Variants in EDEM1 observed in about 807,000 individuals in gnomAD.
The protein encoded by EDEM1 is ER degradation enhancing alpha-mannosidase like protein 1, also known as ER degradation-enhancing alpha-mannosidase-like protein 1.
Under a neutral mutation model 74.4 loss-of-function variants are expected in EDEM1, and 67 were observed. That is an observed-to-expected ratio of 0.90 (90% CI 0.74 to 1.10). EDEM1 has a LOEUF of 1.10. Ranked by LOEUF, EDEM1 falls within the 50% of genes least tolerant of loss-of-function variation. EDEM1 has a pLI of 0.00. For synonymous variants in EDEM1, 382 were observed against 335.9 expected, an observed-to-expected ratio of 1.14 and a Z score of -1.50; for missense variants, 926 against 851.6, an observed-to-expected ratio of 1.09 and a Z score of -1.09.
rs75903293 is a variant in EDEM1 at position 5,190,879 on chromosome 3, A to T, written c.509+2565A>T. ...CTTTGCTTTTTTTTAAATATTTTTT[A>T]AAAAAATTTATTTTTAATTTTTGAG... On this transcript the variant is annotated intron_variant, in intron 1 of 11. Coordinates refer to ENST00000256497, the MANE Select transcript of EDEM1 (RefSeq NM_014674.3). Among the ~76,000 whole-genome samples the T allele has an allele frequency of 2.9e-3, 447 of 152,140 alleles. 2 individuals carry two copies. Among genetic ancestry groups the T allele is most frequent in the African/African-American group, 7.2e-3 (300 of 41,492 alleles).
intron 2 of EDEM1, among the ~76,000 whole-genome samples, chr3:5,197,323 A>G (rs1264745880): frequency 6.6e-6 from 1 of 152,196 alleles, no homozygotes; most frequent in Non-Finnish European, 1.5e-5. Context: ...TTAGAGAGCC[A>G]CAGTGCCCAT....
chr3:5,198,041 A>G (rs1559295248), intron 2 of EDEM1, among the ~76,000 whole-genome samples: 1 of 150,924 alleles, frequency 6.6e-6, no homozygotes, highest in Non-Finnish European at 1.5e-5. Context: ...AAATGGTTAC[A>G]TTTTTTTTGT....
chr3:5,197,946 T>C (rs983007159), intron 2 of EDEM1, among the ~76,000 whole-genome samples: 3 of 152,172 alleles, frequency 2.0e-5, no homozygotes, highest in African/African-American at 7.2e-5. Context: ...AAGATGTACA[T>C]TGGTTCAGTC....
chr3:5,196,489 T>C (rs191000789), intron 2 of EDEM1, among the ~76,000 whole-genome samples: 2 of 149,238 alleles, frequency 1.3e-5, no homozygotes, highest in East Asian at 4.0e-4. Context: ...CACACAAGAA[T>C]TGGGTAATGT....
chr3:5,210,904 C>G lies in EDEM1; in HGVS notation c.1584-216C>G, dbSNP rs190962607. Among the ~76,000 whole-genome samples the G allele has an allele frequency of 1.4e-3, 210 of 152,296 alleles. 1 individual carries two copies. The highest frequency in any genetic ancestry group is 4.9e-3 in the African/African-American group (203 of 41,568). ...CACCCCGCCACCACGCCCACACCCT[C>G]TAACTCACCTGATAATTTAGCAGCC... is the stretch of plus-strand genomic sequence containing the variant. On this transcript the variant is annotated intron_variant, in intron 9 of 11. Coordinates refer to ENST00000256497, the MANE Select transcript of EDEM1 (RefSeq NM_014674.3).
At chr3:5,192,187 C>T (rs1460223552) in intron 1 of EDEM1, among the ~76,000 whole-genome samples, 1 of 152,186 alleles carries the variant, frequency 6.6e-6, no homozygotes, top group Non-Finnish European at 1.5e-5. Flanking sequence ...TTCCTTTGAG[C>T]TGCGATTCTA....
In EDEM1 at chr3:5,213,388, G is replaced by A. The variant is rs772436941; in HGVS notation, c.1750G>A (p.Val584Ile). ...RYMFTTEGHIVSVDEHLRELP... is the reference protein window; with the variant it reads ...RYMFTTEGHIISVDEHLRELP... ...CATGTTCACAACAGAGGGACACATTGTATCTGTGGATGAGCATCTTCGGGA... is the reference window on the plus strand; with the variant it reads ...CATGTTCACAACAGAGGGACACATTATATCTGTGGATGAGCATCTTCGGGA... The change falls in exon 11 of 12, where the codon GTA becomes ATA. Residue 584 changes from valine (V) to isoleucine (I), a missense_variant. By Grantham distance (29) the Val-to-Ile change is conservative (BLOSUM62 3). Coordinates refer to ENST00000256497, the MANE Select transcript of EDEM1 (RefSeq NM_014674.3). 5 of 1,614,096 alleles carry A rather than the reference G, an allele frequency of 3.1e-6. No individual in the cohort carries two copies. The highest frequency in any genetic ancestry group is 4.2e-6 in the Non-Finnish European group (5 of 1,180,000).
At chr3:5,211,440 T>G (rs1240755188) in intron 10 of EDEM1, 1 of 487,978 alleles carries the variant, frequency 2.0e-6, no homozygotes, top group East Asian at 3.9e-5. Context: ...ACTGAACTTA[T>G]GATTACAAAC....
In EDEM1 at chr3:5,187,723, G is replaced by A; in HGVS notation, c.-83G>A. The A allele has an allele frequency of 3.6e-6, 5 of 1,407,554 alleles. No individual in the cohort carries two copies. Among genetic ancestry groups the A allele is most frequent in the Non-Finnish European group, 4.6e-6 (5 of 1,081,056 alleles). The allele number at this position is 1,407,554 out of a possible 1,614,324, so 87.2% of individuals were successfully genotyped here. On this transcript the variant is annotated 5_prime_UTR_variant, in exon 1 of 12. Coordinates refer to ENST00000256497, the MANE Select transcript of EDEM1 (RefSeq NM_014674.3). ...GAGTTCCTTAAAGGGGAAGCGAGCCGGGCTACGGGGCGAGCGCGGGGTGCG... is the reference window on the plus strand; with the variant it reads ...GAGTTCCTTAAAGGGGAAGCGAGCCAGGCTACGGGGCGAGCGCGGGGTGCG...
chr3:5,210,032 C>A, intron 8 of EDEM1, 143 bp from the exon 9 acceptor site: 1 of 684,410 alleles, frequency 1.5e-6, no homozygotes, highest in Non-Finnish European at 2.6e-6. Flanking sequence ...CATTGTGACC[C>A]TGCAAGATAA....
intron 2 of EDEM1, among the ~76,000 whole-genome samples, chr3:5,196,678 A>C (rs2054971711): frequency 6.6e-6 from 1 of 152,188 alleles, no homozygotes; most frequent in Non-Finnish European, 1.5e-5. Flanking sequence ...TTTAAATTAC[A>C]AAGCAACTTA....
intron 1 of EDEM1, among the ~76,000 whole-genome samples, chr3:5,192,346 C>T (rs1190727121): frequency 6.6e-6 from 1 of 152,200 alleles, no homozygotes; most frequent in East Asian, 1.9e-4. Flanking sequence ...GATTTCTGAA[C>T]AGCTGTTACA....
At chr3:5,215,279 G>GA (rs1298918708) in intron 11 of EDEM1, among the ~76,000 whole-genome samples, 6 of 134,668 alleles carry the variant, frequency 4.5e-5, no homozygotes, top group Non-Finnish European at 7.8e-5. Context: ...CTGCTTTGAG[G>GA]AAAAAAAGTG....
At chr3:5,207,810 G>GT (rs2055116759) in intron 7 of EDEM1, among the ~76,000 whole-genome samples, 1 of 152,210 alleles carries the variant, frequency 6.6e-6, no homozygotes, top group Admixed American at 6.5e-5. Flanking sequence ...GCTGGGCTGT[G>GT]TGAGATTTTT....
rs150425326 is a variant in EDEM1, at chr3:5,203,951, C to G, written c.1042+802C>G. On this transcript the variant is annotated intron_variant, in intron 5 of 11. Coordinates refer to ENST00000256497, the MANE Select transcript of EDEM1 (RefSeq NM_014674.3). ...TCTCACTATGTTGCCTGACTAGTCT[C>G]AAACTCCTGAGCGCAAGCAATTCTC... 7.2e-5 allele frequency among the ~76,000 whole-genome samples: 11 copies of G among 152,204 alleles called. 1 individual carries two copies. In the East Asian group the frequency reaches 2.1e-3, roughly 29 times the overall value.
Position 5,187,967 on chromosome 3 carries a change from G to A in EDEM1, c.162G>A (p.Ser54=), listed in dbSNP as rs1444478894. Residue 54 remains serine (S), a synonymous_variant, in exon 1 of 12, where the codon TCG becomes TCA. Transcript: ENST00000256497. ...TGAGGAGCCCCGACGGCCCCGCGTCGCCCACCTCGGGGCCCGTGGGCCGGC... is the reference window on the plus strand; with the variant it reads ...TGAGGAGCCCCGACGGCCCCGCGTCACCCACCTCGGGGCCCGTGGGCCGGC... The part of the protein sequence containing the change: ...QRLRSPDGPA[S]PTSGPVGRPG... 6 of 1,554,966 alleles carry A rather than the reference G, an allele frequency of 3.9e-6. No homozygotes were observed. The highest frequency in any genetic ancestry group is 2.5e-5 in the East Asian group (1 of 40,494).
intron 2 of EDEM1, among the ~76,000 whole-genome samples, chr3:5,197,556 C>G (rs2054984578): frequency 6.6e-6 from 1 of 152,214 alleles, no homozygotes; most frequent in Non-Finnish European, 1.5e-5. Context: ...TGCAGCTTCA[C>G]CAGATATTGT....
At chr3:5,193,627 C>T (rs1435473952) in intron 1 of EDEM1, among the ~76,000 whole-genome samples, 9 of 150,434 alleles carry the variant, frequency 6.0e-5, no homozygotes, top group South Asian at 4.2e-4. Flanking sequence ...GACAGAGTTT[C>T]GCTCTTGTTG....
rs1350140077 is a variant in EDEM1, at chr3:5,218,557, GC to G, written c.*2641del. The G allele has an allele frequency of 6.6e-6, 1 of 152,166 alleles. No homozygotes were observed. The highest frequency in any genetic ancestry group is 1.5e-5 in the Non-Finnish European group (1 of 68,048). 9.4% of individuals were successfully genotyped at this position (152,166 alleles called of 1,614,324 possible). On this transcript the variant is annotated 3_prime_UTR_variant, in exon 12 of 12. Coordinates refer to ENST00000256497, the MANE Select transcript of EDEM1 (RefSeq NM_014674.3). ...ACTTCATCCTTTGCGGCGGCTCTGA[GC>G]CTGGCCCATCTTCCTATTCCCACGT...
Sources: allele counts gnomAD v4.1 joint callset (sites outside exome capture counted in the v4.1 genomes callset), GRCh38; gene constraint gnomAD v4.1.1; transcripts MANE v1.5; gene names NCBI Gene and HGNC (gene_info 2026-07-23, HGNC 2026-07-21).